Variants in CEP85L observed in about 807,000 individuals in gnomAD.
CEP85L encodes the protein centrosomal protein of 85 kDa-like.
In CEP85L, 60 loss-of-function variants were observed where a neutral mutation model predicts 100.3. The ratio of observed to expected loss-of-function variants is 0.60; its 90% CI spans 0.49 to 0.74. CEP85L has a LOEUF of 0.74. Ranked by LOEUF, CEP85L falls within the 30% of genes least tolerant of loss-of-function variation. The pLI is 0.00. For synonymous variants in CEP85L, 319 were observed against 322.7 expected, an observed-to-expected ratio of 0.99 and a Z score of 0.12; for missense variants, 973 against 936.2, an observed-to-expected ratio of 1.04 and a Z score of -0.51.
chr6:118,687,468 G>C (rs1776872519), intron 1 of CEP85L, among the ~76,000 whole-genome samples: 1 of 152,096 alleles, frequency 6.6e-6, no homozygotes, highest in South Asian at 2.1e-4. Context: ...TTAAACACGG[G>C]GCTTGCAACT....
intron 1 of CEP85L, among the ~76,000 whole-genome samples, chr6:118,674,134 C>T (rs55892056): frequency 0.36 from 54,416 of 152,070 alleles, 10,549 homozygotes; most frequent in Non-Finnish European, 0.45. Flanking sequence ...ACCAAAAACA[C>T]GGATAACAAT....
At chr6:118,526,454 T>G (rs1776969895) in intron 3 of CEP85L, among the ~76,000 whole-genome samples, 1 of 152,184 alleles carries the variant, frequency 6.6e-6, no homozygotes, top group African/African-American at 2.4e-5. Context: ...CCGCAAAATC[T>G]TCCCAGTTAA....
intron 3 of CEP85L, among the ~76,000 whole-genome samples, chr6:118,530,383 TG>T (rs1312027593): frequency 6.9e-6 from 1 of 144,016 alleles, no homozygotes; most frequent in Non-Finnish European, 1.5e-5. Flanking sequence ...GAGCCATGTA[TG>T]GAAAAAAAAA....
At chr6:118,511,527 C>G in intron 4 of CEP85L, 112 bp from the exon 5 acceptor site, 1 of 638,654 alleles carries the variant, frequency 1.6e-6, no homozygotes, top group Non-Finnish European at 2.7e-6. Context: ...TAGATTCTAA[C>G]AGTCACACCT....
At chr6:118,485,227 C>T (rs1774092183) in intron 6 of CEP85L, among the ~76,000 whole-genome samples, 1 of 152,176 alleles carries the variant, frequency 6.6e-6, no homozygotes, top group Admixed American at 6.6e-5. Flanking sequence ...CTCTTCAAAA[C>T]TTACAGGGTT....
chr6:118,574,783 A>C (rs543901939), intron 2 of CEP85L, among the ~76,000 whole-genome samples: 2 of 152,336 alleles, frequency 1.3e-5, no homozygotes, highest in African/African-American at 2.4e-5. Context: ...CTGGAGGTTG[A>C]AAGTGTGTGA....
chr6:118,531,932 A>G (rs1458070360), intron 3 of CEP85L, among the ~76,000 whole-genome samples: 4 of 152,160 alleles, frequency 2.6e-5, no homozygotes, highest in African/African-American at 9.7e-5. Context: ...GCTACTGTGA[A>G]AAGCAATTTG....
At chr6:118,486,514 G>C (rs116381505) in intron 6 of CEP85L, among the ~76,000 whole-genome samples, 309 of 152,190 alleles carry the variant, frequency 2.0e-3, no homozygotes, top group African/African-American at 7.2e-3. Context: ...CTTTGATAAG[G>C]ATTACAGAGT....
At chr6:118,532,739 C>T (rs973015958) in intron 3 of CEP85L, among the ~76,000 whole-genome samples, 1 of 151,776 alleles carries the variant, frequency 6.6e-6, no homozygotes, top group Admixed American at 6.6e-5. Context: ...ATGGTTTCTA[C>T]CTAAATCTAA....
intron 2 of CEP85L, among the ~76,000 whole-genome samples, chr6:118,571,650 A>G (rs1779895068): frequency 6.6e-6 from 1 of 152,174 alleles, no homozygotes. Flanking sequence ...AATGCAAAAA[A>G]AGACCACTCC....
At chr6:118,621,980 A>AATTTT (rs1213232799) in intron 2 of CEP85L, among the ~76,000 whole-genome samples, 20 of 152,194 alleles carry the variant, frequency 1.3e-4, no homozygotes, top group Admixed American at 1.3e-3. Context: ...TCCAGCCCTA[A>AATTTT]GCCTTCCCAC....
chr6:118,563,227 T>G (rs1016112239), intron 3 of CEP85L, among the ~76,000 whole-genome samples: 1 of 152,218 alleles, frequency 6.6e-6, no homozygotes, highest in Non-Finnish European at 1.5e-5. Context: ...ACTCCTGCAC[T>G]CTTGATGATT....
intron 2 of CEP85L, among the ~76,000 whole-genome samples, chr6:118,581,026 CAG>C (rs924500179): frequency 1.3e-5 from 2 of 152,140 alleles, no homozygotes; most frequent in African/African-American, 4.8e-5. Flanking sequence ...CTAGAGGAAA[CAG>C]AAATCCTCTA....
intron 3 of CEP85L, among the ~76,000 whole-genome samples, chr6:118,555,797 C>T (rs903895033): frequency 1.3e-5 from 2 of 152,072 alleles, no homozygotes; most frequent in South Asian, 4.1e-4. Context: ...CCTCTGCCTC[C>T]TCCCATCCTC....
intron 3 of CEP85L, chr6:118,537,735 T>TA: frequency 8.1e-6 from 8 of 985,366 alleles, no homozygotes; most frequent in Non-Finnish European, 9.6e-6. Flanking sequence ...CAAATACTGT[T>TA]AAATTTAGAT....
At chr6:118,596,205 T>C (rs1781450132) in intron 2 of CEP85L, among the ~76,000 whole-genome samples, 1 of 151,490 alleles carries the variant, frequency 6.6e-6, no homozygotes, top group African/African-American at 2.5e-5. Flanking sequence ...GACCAAAGGA[T>C]AAAAAACATA....
chr6:118,533,687 G>A (rs542258153), intron 3 of CEP85L, among the ~76,000 whole-genome samples: 2 of 152,134 alleles, frequency 1.3e-5, no homozygotes, highest in Non-Finnish European at 2.9e-5. Context: ...CATGAACATA[G>A]ATACAAAAAA....
chr6:118,684,135 A>G (rs372433970), intron 1 of CEP85L, among the ~76,000 whole-genome samples: 55 of 152,214 alleles, frequency 3.6e-4, no homozygotes, highest in African/African-American at 1.2e-3. Context: ...CAACCTATTT[A>G]AAAAATAGCG....
intron 1 of CEP85L, among the ~76,000 whole-genome samples, chr6:118,638,767 G>C (rs1000335194): frequency 2.6e-5 from 4 of 151,638 alleles, no homozygotes; most frequent in African/African-American, 9.7e-5. Flanking sequence ...ATAGAATACT[G>C]AGTGCCTGCG....
Sources: allele counts gnomAD v4.1 joint callset (sites outside exome capture counted in the v4.1 genomes callset), GRCh38; gene constraint gnomAD v4.1.1; transcripts MANE v1.5; gene names NCBI Gene and HGNC (gene_info 2026-07-23, HGNC 2026-07-21).